The following SOX6 variants were observed in gnomAD, a reference collection of about 807,000 sequenced individuals.
SOX6 encodes transcription factor SOX-6.
In SOX6, 11 loss-of-function variants were observed where a neutral mutation model predicts 97.8. That is an observed-to-expected ratio of 0.11 (90% CI 0.07 to 0.19). SOX6 has a LOEUF of 0.19. Ranked by LOEUF, SOX6 falls within the 10% of genes least tolerant of loss-of-function variation. The pLI is 1.00. For synonymous variants in SOX6, 360 were observed against 371.4 expected (o/e 0.97, Z 0.35); for missense variants, 810 against 1,039.5 (o/e 0.78, Z 3.04).
At chr11:16,513,436 C>A (rs754735454) in intron 4 of SOX6, among the ~76,000 whole-genome samples, 1 of 152,006 alleles carries the variant, frequency 6.6e-6, no homozygotes, top group Admixed American at 6.6e-5. Context: ...AGTTTGAGAC[C>A]AGCCTGGCCA....
intron 3 of SOX6, among the ~76,000 whole-genome samples, chr11:16,279,936 T>A (rs1854504529): frequency 1.3e-5 from 2 of 152,102 alleles, no homozygotes; most frequent in Admixed American, 1.3e-4. Flanking sequence ...CAGAGTTTTC[T>A]TAAGATAAAT....
intron 3 of SOX6, among the ~76,000 whole-genome samples, chr11:16,625,798 C>T (rs376739832): frequency 1.2e-4 from 18 of 152,168 alleles, no homozygotes; most frequent in African/African-American, 2.2e-4. Context: ...CTTAAGAGGG[C>T]GTAAGAGCTC....
At chr11:16,496,057 A>G (rs1432542541) in intron 4 of SOX6, among the ~76,000 whole-genome samples, 1 of 152,178 alleles carries the variant, frequency 6.6e-6, no homozygotes, top group Non-Finnish European at 1.5e-5. Flanking sequence ...TACTCAACGA[A>G]CCCCATAGAC....
intron 13 of SOX6, among the ~76,000 whole-genome samples, chr11:15,995,125 A>G (rs546547598): frequency 3.5e-3 from 527 of 152,312 alleles, no homozygotes; most frequent in Non-Finnish European, 5.2e-3. Flanking sequence ...GAAGACTCAA[A>G]TGAACCCATG....
intron 12 of SOX6, among the ~76,000 whole-genome samples, chr11:16,038,776 C>T (rs970973794): frequency 4.6e-5 from 7 of 151,996 alleles, no homozygotes; most frequent in African/African-American, 1.7e-4. Flanking sequence ...AACAAGTATT[C>T]AATGTCAGTC....
intron 1 of SOX6, among the ~76,000 whole-genome samples, chr11:16,376,560 G>C (rs1356271394): frequency 6.6e-6 from 1 of 152,142 alleles, no homozygotes; most frequent in East Asian, 1.9e-4. Context: ...ACTTTCAGAA[G>C]ATGGGTACCA....
chr11:16,431,404 A>T (rs979167069), intron 1 of SOX6, among the ~76,000 whole-genome samples: 1 of 152,150 alleles, frequency 6.6e-6, no homozygotes, highest in East Asian at 1.9e-4. Flanking sequence ...GATAACTTCC[A>T]TACAACAAAC....
At chr11:16,309,725 C>T (rs1262094102) in intron 3 of SOX6, among the ~76,000 whole-genome samples, 1 of 152,010 alleles carries the variant, frequency 6.6e-6, no homozygotes, top group Non-Finnish European at 1.5e-5. Flanking sequence ...CTTTTCTGTT[C>T]ATTTTTTCTT....
At chr11:16,139,946 ATATAT>A (rs1008964062) in intron 6 of SOX6, among the ~76,000 whole-genome samples, 1 of 137,568 alleles carries the variant, frequency 7.3e-6, no homozygotes, top group African/African-American at 2.9e-5. Context: ...AACCTGGCTC[ATATAT>A]TATATATATA....
At chr11:16,224,558 A>T (rs925571670) in intron 4 of SOX6, among the ~76,000 whole-genome samples, 2 of 152,062 alleles carry the variant, frequency 1.3e-5, no homozygotes, top group African/African-American at 4.8e-5. Flanking sequence ...GCTTTTATGT[A>T]TATCACACAG....
At chr11:15,988,692 CAA>C (rs1590111629) in intron 14 of SOX6, among the ~76,000 whole-genome samples, 1 of 152,234 alleles carries the variant, frequency 6.6e-6, no homozygotes, top group African/African-American at 2.4e-5. Context: ...AGTGACCTCT[CAA>C]GAGTTGCTAA....
chr11:16,128,775 G>A (rs996219752), intron 6 of SOX6, among the ~76,000 whole-genome samples: 1 of 152,154 alleles, frequency 6.6e-6, no homozygotes, highest in East Asian at 1.9e-4. Flanking sequence ...GTGACTTGCC[G>A]ATGGTGACAT....
intron 1 of SOX6, among the ~76,000 whole-genome samples, chr11:16,367,785 G>C (rs1466581711): frequency 6.6e-6 from 1 of 152,074 alleles, no homozygotes; most frequent in African/African-American, 2.4e-5. Context: ...TTAGCATAAA[G>C]AGAAACTGTT....
intron 1 of SOX6, among the ~76,000 whole-genome samples, chr11:16,378,475 G>C (rs998326126): frequency 1.3e-5 from 2 of 151,858 alleles, no homozygotes; most frequent in Non-Finnish European, 2.9e-5. Context: ...CAAATGAATA[G>C]GCAGATCAAT....
chr11:16,479,855 C>A (rs979993309), upstream of SOX6, among the ~76,000 whole-genome samples: 1 of 151,952 alleles, frequency 6.6e-6, no homozygotes, highest in Admixed American at 6.6e-5. Context: ...ACGCTACTTT[C>A]AAAAATTATC....
At chr11:16,619,572 G>A (rs1040028112) in intron 3 of SOX6, among the ~76,000 whole-genome samples, 1 of 151,936 alleles carries the variant, frequency 6.6e-6, no homozygotes, top group African/African-American at 2.4e-5. Context: ...GCCTAGAAGA[G>A]TTATTTTCTA....
intron 9 of SOX6, among the ~76,000 whole-genome samples, chr11:16,081,250 A>G (rs1176614465): frequency 1.3e-5 from 2 of 152,046 alleles, no homozygotes; most frequent in Non-Finnish European, 2.9e-5. Context: ...TATTTCACAG[A>G]GCTAAGATGT....
chr11:16,717,436 G>T (rs1399646021), intron 2 of SOX6, among the ~76,000 whole-genome samples: 1 of 151,062 alleles, frequency 6.6e-6, no homozygotes, highest in Non-Finnish European at 1.5e-5. Context: ...AATGCTAAAA[G>T]AAAAAAATCT....
chr11:16,213,269 C>A (rs1852277175), intron 4 of SOX6, among the ~76,000 whole-genome samples: 1 of 151,902 alleles, frequency 6.6e-6, no homozygotes, highest in South Asian at 2.1e-4. Context: ...GCAAATAGTT[C>A]TCTCTTTTTC....
Sources: gnomAD v4.1 joint callset for allele counts (sites outside exome capture counted in the v4.1 genomes callset) on GRCh38, gnomAD v4.1.1 for gene constraint, MANE v1.5 for transcripts, NCBI Gene and HGNC (gene_info 2026-07-23, HGNC 2026-07-21) for gene names.